Variants in KCNG2 observed in about 807,000 individuals in gnomAD.
KCNG2 encodes the protein voltage-gated potassium channel regulatory subunit KCNG2.
KCNG2 carries 7 observed loss-of-function variants against 12.3 expected under a neutral mutation model. That is an observed-to-expected ratio of 0.57 (90% CI 0.32 to 1.07). The LOEUF (loss-of-function observed/expected upper bound fraction) is 1.07. Among genes scored for constraint, KCNG2 ranks in the 50% least tolerant of loss-of-function variants. The probability of loss-of-function intolerance (pLI) is 0.04; values close to 1 mark genes in which losing one functional copy is unlikely to be tolerated. For missense variants in KCNG2, 703 were observed against 726.0 expected (o/e 0.97, Z 0.36); for synonymous variants, 414 against 351.4 (o/e 1.18, Z -1.99).
intron 3 of KCNG2, among the ~76,000 whole-genome samples, chr18:79,873,727 CAG>C (rs1979956331): frequency 6.6e-6 from 1 of 152,190 alleles, no homozygotes; most frequent in Non-Finnish European, 1.5e-5. Context: ...GGGAGGAAAG[CAG>C]GGGAGGCCAT....
intron 1 of KCNG2, among the ~76,000 whole-genome samples, chr18:79,824,039 G>C (rs552250556): frequency 1.1e-3 from 161 of 152,228 alleles, no homozygotes; most frequent in African/African-American, 3.5e-3. Context: ...ATCTCACTCT[G>C]TCACCCAGGC....
chr18:79,899,236 CG>C lies in KCNG2; in HGVS notation c.824del (p.Gly275AlafsTer24), dbSNP rs1449588412. The C allele has an allele frequency of 6.3e-7, 1 of 1,597,916 alleles. No homozygotes were observed. Among genetic ancestry groups the C allele is most frequent in the Non-Finnish European group, 8.5e-7 (1 of 1,178,104 alleles). On this transcript the variant is annotated frameshift_variant, in exon 4 of 4. Transcript: ENST00000316249. LOFTEE classifies it low-confidence loss of function (END_TRUNC). ...CTGCTGCTGGGGCTGGCGGCAGGCC[CG>C]GGCGGGACCAAGCTCCTGGAGCGCG... ...VSLLLGLAAG[P>X]GGTKLLERAG...
Position 79,814,682 on chromosome 18 carries a change from G to A in KCNG2, c.-115+16668G>A, listed in dbSNP as rs569426230. ...AGTTTTGCAAGAGGCCACCATTGGC[G>A]GAAACTGGGTAAAGGGTACAGGGGA... On this transcript the variant is annotated intron_variant, in intron 1 of 3. Transcript: ENST00000316249. 2.0e-5 allele frequency among the ~76,000 whole-genome samples: 3 copies of A among 152,282 alleles called. No individual in the cohort carries two copies. In the East Asian group the frequency reaches 5.8e-4, roughly 29 times the overall value.
intron 1 of KCNG2, among the ~76,000 whole-genome samples, chr18:79,815,504 T>C (rs1349658236): frequency 6.6e-6 from 1 of 151,076 alleles, no homozygotes; most frequent in Non-Finnish European, 1.5e-5. Flanking sequence ...TGTTCAGTGA[T>C]GGCTTCTAGC....
chr18:79,839,667 A>C (rs561310300), intron 1 of KCNG2, among the ~76,000 whole-genome samples: 1 of 152,378 alleles, frequency 6.6e-6, no homozygotes, highest in Non-Finnish European at 1.5e-5. Context: ...TCTAAGGAAG[A>C]ATTAACACCA....
intron 1 of KCNG2, among the ~76,000 whole-genome samples, chr18:79,848,924 C>T (rs988426402): frequency 1.3e-5 from 2 of 152,190 alleles, no homozygotes; most frequent in African/African-American, 4.8e-5. Flanking sequence ...ACGGCATAGG[C>T]TGTTAGGGGT....
rs988058532 is a variant in KCNG2 at position 79,884,360 on chromosome 18, A to C, written c.625-14680A>C. Among the ~76,000 whole-genome samples the C allele has an allele frequency of 8.6e-5, 13 of 151,374 alleles. No individual in the cohort carries two copies. Among genetic ancestry groups the C allele is most frequent in the Non-Finnish European group, 1.5e-4 (10 of 67,888 alleles). On this transcript the variant is annotated intron_variant, in intron 3 of 3. Transcript: ENST00000316249. This position sits in a 1 kb window ranked among gnomAD's most constrained non-coding sequence, Gnocchi z 5.5. The stretch of plus-strand genomic sequence containing the variant: ...TTCTCAGTCCTTCAAGGAGGCCCCC[A>C]GCTCTGCAGCCCCCACCACTGCTGG...
chr18:79,806,203 C>T (rs1352125175), intron 1 of KCNG2, among the ~76,000 whole-genome samples: 1 of 152,222 alleles, frequency 6.6e-6, no homozygotes, highest in East Asian at 1.9e-4. Context: ...ATGGAAGCCA[C>T]TGTGTGGTCT....
chr18:79,800,863 C>G lies in KCNG2; in HGVS notation c.-115+2849C>G, dbSNP rs1346627618. ...CAAATGTCAAGTCAAAATGGGTCCC[C>G]GGCGGGGCCAGGAGAACACCCAGAC... On this transcript the variant is annotated intron_variant, in intron 1 of 3. Coordinates refer to ENST00000316249, the MANE Select transcript of KCNG2 (RefSeq NM_012283.2). The surrounding 1 kb of genome is among the most constrained non-coding windows in gnomAD (Gnocchi z 4.0). 1.3e-5 allele frequency among the ~76,000 whole-genome samples: 2 copies of G among 152,306 alleles called. No homozygotes were observed. Among genetic ancestry groups the G allele is most frequent in the Middle Eastern group, 6.8e-3 (2 of 294 alleles).
chr18:79,816,754 C>T (rs1434186328), intron 1 of KCNG2, among the ~76,000 whole-genome samples: 1 of 152,214 alleles, frequency 6.6e-6, no homozygotes, highest in African/African-American at 2.4e-5. Flanking sequence ...TCGCTGTTTC[C>T]TGAGTGACAC....
At chr18:79,882,015 C>A (rs1555695993) in intron 3 of KCNG2, among the ~76,000 whole-genome samples, 1 of 150,878 alleles carries the variant, frequency 6.6e-6, no homozygotes, top group African/African-American at 2.4e-5. Flanking sequence ...TTTAAAAAAA[C>A]ACAACCCATG....
chr18:79,878,051 G>A (rs1029978211), intron 3 of KCNG2, among the ~76,000 whole-genome samples: 2 of 152,384 alleles, frequency 1.3e-5, no homozygotes, highest in African/African-American at 2.4e-5. Flanking sequence ...CGATGGCACC[G>A]GCGCTGCCGC....
At chr18:79,861,744 C>T (rs979642869) in intron 2 of KCNG2, among the ~76,000 whole-genome samples, 1 of 152,194 alleles carries the variant, frequency 6.6e-6, no homozygotes, top group African/African-American at 2.4e-5. Context: ...TCCCTCTTTC[C>T]TTTCAGGACT....
At chr18:79,832,110 CGA>C (rs1978299275) in intron 1 of KCNG2, among the ~76,000 whole-genome samples, 1 of 152,184 alleles carries the variant, frequency 6.6e-6, no homozygotes, top group South Asian at 2.1e-4. Context: ...GAGCCTACTC[CGA>C]GGTACATCTA....
intron 3 of KCNG2, among the ~76,000 whole-genome samples, chr18:79,895,990 G>C (rs935800587): frequency 6.6e-6 from 1 of 152,016 alleles, no homozygotes; most frequent in African/African-American, 2.4e-5. Context: ...TTTTGAGATG[G>C]AGTCTCACTG....
chr18:79,899,539 T>C lies in KCNG2; in HGVS notation c.1124T>C (p.Met375Thr), dbSNP rs1187500087. ...ATGACCACCGTGGGCTACGGCGACA[T>C]GGTCCCGCGCAGCCTGCCCGGGCAG... ...ISMTTVGYGD[M>T]VPRSLPGQVV... The change falls in exon 4 of 4, where the codon ATG (methionine) becomes ACG (threonine). Residue 375 changes from methionine to threonine, a missense_variant. Coordinates refer to ENST00000316249, the MANE Select transcript of KCNG2 (RefSeq NM_012283.2). 9 of 1,606,074 alleles carry C rather than the reference T, an allele frequency of 5.6e-6. No individual in the cohort carries two copies. The highest frequency in any genetic ancestry group is 7.6e-6 in the Non-Finnish European group (9 of 1,177,074).
chr18:79,819,584 G>A (rs1231001228), intron 1 of KCNG2, among the ~76,000 whole-genome samples: 1 of 152,218 alleles, frequency 6.6e-6, no homozygotes, highest in Non-Finnish European at 1.5e-5. Context: ...TGTGAGCCCC[G>A]TCCTCCCTAC....
intron 1 of KCNG2, among the ~76,000 whole-genome samples, chr18:79,814,086 T>C (rs982069262): frequency 6.6e-6 from 1 of 152,120 alleles, no homozygotes; most frequent in African/African-American, 2.4e-5. Context: ...CTGAAATCAA[T>C]AGAAAATATT....
At chr18:79,874,793 C>T (rs748251884) in intron 3 of KCNG2, among the ~76,000 whole-genome samples, 4 of 152,184 alleles carry the variant, frequency 2.6e-5, no homozygotes, top group Admixed American at 6.5e-5. Context: ...CCAGGGGCAC[C>T]GGGTCCCTTT....
Sources: gnomAD v4.1 joint callset for allele counts (sites outside exome capture counted in the v4.1 genomes callset) on GRCh38, gnomAD v4.1.1 for gene constraint, Gnocchi (gnomAD v3.1) non-coding constraint, MANE v1.5 for transcripts, NCBI Gene and HGNC (gene_info 2026-07-23, HGNC 2026-07-21) for gene names.